Variants in ADAMTS20 observed in about 807,000 individuals in gnomAD.
ADAMTS20 encodes A disintegrin and metalloproteinase with thrombospondin motifs 20.
Under a neutral mutation model 260.1 loss-of-function variants are expected in ADAMTS20, and 225 were observed. The observed-to-expected ratio is 0.87, with a 90% CI of 0.78 to 0.97. The LOEUF (loss-of-function observed/expected upper bound fraction) is 0.97. Among genes scored for constraint, ADAMTS20 ranks in the 50% least tolerant of loss-of-function variants. ADAMTS20 has a pLI of 0.00. For synonymous variants in ADAMTS20, 802 were observed against 769.5 expected, an observed-to-expected ratio of 1.04 and a Z score of -0.70; for missense variants, 2,400 against 2,337.7, an observed-to-expected ratio of 1.03 and a Z score of -0.55.
intron 14 of ADAMTS20, among the ~76,000 whole-genome samples, chr12:43,449,076 C>T (rs900279753): frequency 1.3e-5 from 2 of 152,064 alleles, no homozygotes; most frequent in African/African-American, 2.4e-5. Flanking sequence ...AGCAGTGTGG[C>T]GATTCCCTAA....
At chr12:43,422,663 C>CA (rs1941258089) in intron 28 of ADAMTS20, among the ~76,000 whole-genome samples, 1 of 151,770 alleles carries the variant, frequency 6.6e-6, no homozygotes. Context: ...TTCAACTTAT[C>CA]AAAAAAATAA....
chr12:43,389,662 T>A (rs887554739), intron 29 of ADAMTS20, among the ~76,000 whole-genome samples: 2 of 152,042 alleles, frequency 1.3e-5, no homozygotes, highest in African/African-American at 4.8e-5. Context: ...TGCCATGGCA[T>A]CAGCTTAGTG....
At chr12:43,531,432 G>A (rs1276345878) in intron 3 of ADAMTS20, among the ~76,000 whole-genome samples, 1 of 151,440 alleles carries the variant, frequency 6.6e-6, no homozygotes, top group Non-Finnish European at 1.5e-5. Context: ...AAAACTTTTG[G>A]GATTCAAATT....
chr12:43,522,570 G>A (rs1281957864), intron 3 of ADAMTS20, among the ~76,000 whole-genome samples: 2 of 152,222 alleles, frequency 1.3e-5, no homozygotes, highest in African/African-American at 4.8e-5. Context: ...GAGGAACACA[G>A]ACTGGTTGTG....
intron 3 of ADAMTS20, among the ~76,000 whole-genome samples, chr12:43,522,430 T>A (rs1030230402): frequency 6.6e-6 from 1 of 152,168 alleles, no homozygotes; most frequent in Non-Finnish European, 1.5e-5. Flanking sequence ...TCTAAAGACA[T>A]TTCATTTTCA....
chr12:43,375,172 C>CAAAAAAA (rs58169338), intron 36 of ADAMTS20, among the ~76,000 whole-genome samples: 3 of 62,300 alleles, frequency 4.8e-5, no homozygotes, highest in Admixed American at 2.3e-4. Context: ...AACTGCGTCT[C>CAAAAAAA]AAAAAAAAAA....
At chr12:43,518,213 T>C (rs912714783) in intron 3 of ADAMTS20, among the ~76,000 whole-genome samples, 1 of 152,130 alleles carries the variant, frequency 6.6e-6, no homozygotes, top group Admixed American at 6.6e-5. Flanking sequence ...TTATGATACC[T>C]AAGTTTTATA....
intron 28 of ADAMTS20, among the ~76,000 whole-genome samples, chr12:43,420,506 A>G (rs950034810): frequency 5.9e-5 from 9 of 152,156 alleles, no homozygotes; most frequent in African/African-American, 2.4e-5. Flanking sequence ...AACAATTACT[A>G]TGTTTTCACT....
chr12:43,356,546 A>T lies in ADAMTS20; in HGVS notation c.5581T>A (p.Ser1861Thr), dbSNP rs367590532. The T allele has an allele frequency of 4.7e-4, 757 of 1,612,388 alleles. 7 individuals carry two copies. The South Asian group carries it at 7.9e-3, about 17-fold the overall frequency. Residue 1861 changes from serine to threonine, a missense_variant, in exon 38 of 39, where the codon TCC becomes ACC. Transcript: ENST00000389420. ...INLSGTGMKI[S>T]STAKWLTQGS... ...TGAGTGAGCCACTTTGCTGTGCTGG[A>T]TATCTTCATCCCAGTTCCTGACAAA... is the stretch of plus-strand genomic sequence containing the variant.
intron 3 of ADAMTS20, among the ~76,000 whole-genome samples, chr12:43,528,092 C>T (rs1284904535): frequency 2.0e-5 from 3 of 151,700 alleles, no homozygotes; most frequent in African/African-American, 7.3e-5. Flanking sequence ...TTTACAATAG[C>T]TGCAAAAAAT....
At position 43,514,537 on chromosome 12, in the gene ADAMTS20, G is replaced by A. The variant is rs193202745; in HGVS notation, c.614-12132C>T. ...AGATCTCGCTACTGCACTCTAGGCC[G>A]GTGACAGAGTGAGACTCTATCTCAA... On this transcript the variant is annotated intron_variant, in intron 3 of 38. Transcript: ENST00000389420. Among the ~76,000 whole-genome samples the A allele has an allele frequency of 3.7e-4, 42 of 112,828 alleles. No individual in the cohort carries two copies. In the South Asian group the frequency reaches 7.9e-3, roughly 21 times the overall value. 74.0% of individuals were successfully genotyped at this position (112,828 alleles called of 152,430 possible).
intron 36 of ADAMTS20, among the ~76,000 whole-genome samples, chr12:43,371,771 A>T (rs1429010798): frequency 6.6e-6 from 1 of 152,126 alleles, no homozygotes; most frequent in Non-Finnish European, 1.5e-5. Flanking sequence ...CAGAAAACTG[A>T]GAGGGAATAG....
chr12:43,375,630 A>C, intron 35 of ADAMTS20, 118 bp from the exon 36 acceptor site: 2 of 1,158,782 alleles, frequency 1.7e-6, no homozygotes, highest in Non-Finnish European at 2.5e-6. Context: ...AGTGTCAACA[A>C]GTTAAACAAG....
intron 29 of ADAMTS20, among the ~76,000 whole-genome samples, chr12:43,385,166 G>T (rs1198461497): frequency 6.6e-6 from 1 of 152,080 alleles, no homozygotes; most frequent in Admixed American, 6.5e-5. Context: ...GCATGAGATG[G>T]TATCTCATTG....
chr12:43,480,499 T>C (rs1942424957), intron 7 of ADAMTS20, among the ~76,000 whole-genome samples: 1 of 152,150 alleles, frequency 6.6e-6, no homozygotes, highest in African/African-American at 2.4e-5. Context: ...TTTTGAGAAA[T>C]CTTCATACTA....
chr12:43,399,230 A>G lies in ADAMTS20; in HGVS notation c.4288T>C (p.Ser1430Pro). ...SWHQEPWTSC[S>P]ASCGKGRKYR... is the part of the protein sequence containing the mutation. ...TTTCTACCTTTACCACAAGAAGCTGAGCACTAGAAAAGAAATATGAATGCA... is the reference window on the plus strand; with the variant it reads ...TTTCTACCTTTACCACAAGAAGCTGGGCACTAGAAAAGAAATATGAATGCA... Residue 1430 changes from serine to proline, a missense_variant, in exon 29 of 39, where the codon TCA becomes CCA. Physicochemically the swap from Ser to Pro is moderately conservative, Grantham distance 74. Coordinates refer to ENST00000389420, the MANE Select transcript of ADAMTS20 (RefSeq NM_025003.5). 1 of 1,515,092 alleles carries G rather than the reference A, an allele frequency of 6.6e-7. No homozygotes were observed. 93.9% of individuals were successfully genotyped at this position (1,515,092 alleles called of 1,614,324 possible). A position where few individuals can be genotyped will look rare whatever the true frequency, so the allele number is the denominator to read the frequency against.
chr12:43,499,382 G>T (rs187283897), intron 4 of ADAMTS20, among the ~76,000 whole-genome samples: 2 of 152,096 alleles, frequency 1.3e-5, no homozygotes, highest in Admixed American at 6.5e-5. Context: ...GAAGTCAAAA[G>T]GTCTGTCTCC....
At chr12:43,517,639 G>A (rs1178761275) in intron 3 of ADAMTS20, among the ~76,000 whole-genome samples, 1 of 151,996 alleles carries the variant, frequency 6.6e-6, no homozygotes, top group South Asian at 2.1e-4. Context: ...ACTCAATGAA[G>A]TACAATAGAT....
intron 2 of ADAMTS20, among the ~76,000 whole-genome samples, chr12:43,533,423 T>G (rs1359429581): frequency 0.28 from 36,245 of 130,868 alleles, 5,241 homozygotes; most frequent in Non-Finnish European, 0.38. Flanking sequence ...TTACAAGGGA[T>G]GTGAAGGACC....
Sources: gnomAD v4.1 joint callset for allele counts (sites outside exome capture counted in the v4.1 genomes callset) on GRCh38, gnomAD v4.1.1 for gene constraint, MANE v1.5 for transcripts, NCBI Gene and HGNC (gene_info 2026-07-23, HGNC 2026-07-21) for gene names.